Variants in ZNF536 observed in about 807,000 individuals in gnomAD.
ZNF536 encodes zinc finger protein 536.
Under a neutral mutation model 84.5 loss-of-function variants are expected in ZNF536, and 13 were observed. The observed-to-expected ratio is 0.15, with a 90% confidence interval of 0.10 to 0.24. The LOEUF (loss-of-function observed/expected upper bound fraction) is 0.24. Among genes scored for constraint, ZNF536 ranks in the 10% least tolerant of loss-of-function variants. ZNF536 has a pLI of 1.00. For synonymous variants in ZNF536, 811 were observed against 742.5 expected, an observed-to-expected ratio of 1.09 and a Z score of -1.50; for missense variants, 1,536 against 1,747.5, an observed-to-expected ratio of 0.88 and a Z score of 2.16.
intron 2 of ZNF536, among the ~76,000 whole-genome samples, chr19:30,310,676 A>G (rs1338095969): frequency 6.6e-6 from 1 of 152,230 alleles, no homozygotes; most frequent in African/African-American, 2.4e-5. Flanking sequence ...CTGCTCTGGT[A>G]GAATCTCCAT....
intron 3 of ZNF536, among the ~76,000 whole-genome samples, chr19:30,366,582 GTCTA>G (rs72156657): frequency 0.26 from 38,657 of 147,922 alleles, 5,111 homozygotes; most frequent in Middle Eastern, 0.3. Flanking sequence ...TCTATCATTT[GTCTA>G]TCTATCTATC....
In ZNF536 at chr19:30,290,832, C is replaced by G. The variant is rs12165131; in HGVS notation, c.-120+6691C>G. ...TTAGGTATTTGTCCTAATGGTCTCC[C>G]TCCCTTTGCCCCCCACCCACCAACA... On this transcript the variant is annotated intron_variant, in intron 2 of 5. Coordinates refer to the ZNF536 transcript ENST00000585628. Among the ~76,000 whole-genome samples, 4 of 152,154 alleles carry G rather than the reference C, an allele frequency of 2.6e-5. No individual in the cohort carries two copies. In the South Asian group the frequency reaches 8.3e-4, roughly 32 times the overall value.
At chr19:30,368,341 C>T (rs536000600), upstream of ZNF536, among the ~76,000 whole-genome samples, 20 of 152,342 alleles carry the variant, frequency 1.3e-4, no homozygotes, top group South Asian at 1.9e-3. Flanking sequence ...GTGCACACTA[C>T]GGCTGCAAAA....
chr19:30,706,723 A>G (rs1419163246), intron 1 of ZNF536, among the ~76,000 whole-genome samples: 1 of 152,134 alleles, frequency 6.6e-6, no homozygotes, highest in Non-Finnish European at 1.5e-5. Context: ...AAGACTTGTC[A>G]TACGATAGTG....
At chr19:30,512,194 C>A (rs954484418) in intron 2 of ZNF536, among the ~76,000 whole-genome samples, 4 of 152,088 alleles carry the variant, frequency 2.6e-5, no homozygotes, top group African/African-American at 7.2e-5. Context: ...AAATATACTG[C>A]AAAACACAGA....
rs992247017 is a variant in ZNF536, at chr19:30,514,293, T to A, written c.2171-20554T>A. Among the ~76,000 whole-genome samples, 5 of 152,164 alleles carry A rather than the reference T, an allele frequency of 3.3e-5. No homozygotes were observed. The South Asian group carries it at 8.3e-4, about 25-fold the overall frequency. On this transcript the variant is annotated intron_variant, in intron 2 of 4. Transcript: ENST00000355537. ...CAATTTACTCCCACCCTCAAAAAAA[T>A]CAAAAAGTCTGTTTTCACCCTGAGC...
intron 1 of ZNF536, among the ~76,000 whole-genome samples, chr19:30,638,501 C>T (rs2867077): frequency 0.43 from 65,942 of 151,960 alleles, 14,555 homozygotes; most frequent in Middle Eastern, 0.5. Context: ...GGGGGAAGTG[C>T]TATACACTTT....
In ZNF536 at chr19:30,707,834, A is replaced by G. The variant is rs553386629; in HGVS notation, c.170-2923A>G. ...AGACCAGCCTGGCCAACATGGAGAA[A>G]CCCCATCTCTACTAAAAATACAAAA... On this transcript the variant is annotated intron_variant, in intron 1 of 1. Transcript: ENST00000592773. Among the ~76,000 whole-genome samples the G allele has an allele frequency of 2.6e-5, 4 of 151,948 alleles. No individual in the cohort carries two copies. In the South Asian group the frequency reaches 8.3e-4, roughly 32 times the overall value.
chr19:30,434,777 G>T (rs2051633293), intron 1 of ZNF536, among the ~76,000 whole-genome samples: 1 of 152,064 alleles, frequency 6.6e-6, no homozygotes, highest in African/African-American at 2.4e-5. Context: ...TGATGATGGT[G>T]GTGGTGATGA....
chr19:30,453,364 G>C (rs1036519228), intron 2 of ZNF536, among the ~76,000 whole-genome samples: 8 of 152,176 alleles, frequency 5.3e-5, no homozygotes, highest in African/African-American at 1.9e-4. Context: ...GTTCATCCTC[G>C]AGCCAGGTCT....
chr19:30,681,694 G>A (rs1267258481), intron 1 of ZNF536, among the ~76,000 whole-genome samples: 1 of 152,188 alleles, frequency 6.6e-6, no homozygotes, highest in African/African-American at 2.4e-5. Context: ...GCTGCAGACT[G>A]GTTTACCAGG....
At chr19:30,452,607 A>G (rs1301734523) in intron 2 of ZNF536, among the ~76,000 whole-genome samples, 1 of 152,204 alleles carries the variant, frequency 6.6e-6, no homozygotes, top group Non-Finnish European at 1.5e-5. Context: ...AGAACTGTGC[A>G]GGGAGCATTT....
chr19:30,425,668 G>A (rs943501520), intron 1 of ZNF536, among the ~76,000 whole-genome samples: 7 of 152,114 alleles, frequency 4.6e-5, no homozygotes, highest in African/African-American at 1.7e-4. Flanking sequence ...TAGCTCCCTG[G>A]CAAGCCCTAG....
At chr19:30,576,363 G>A (rs928961615) in intron 1 of ZNF536, among the ~76,000 whole-genome samples, 2 of 152,102 alleles carry the variant, frequency 1.3e-5, no homozygotes, top group Non-Finnish European at 2.9e-5. Context: ...TTCCCCCATC[G>A]TTCCTCCATC....
At chr19:30,420,667 T>C (rs2050915161) in intron 1 of ZNF536, among the ~76,000 whole-genome samples, 1 of 152,178 alleles carries the variant, frequency 6.6e-6, no homozygotes, top group Non-Finnish European at 1.5e-5. Flanking sequence ...AAATTCTCTT[T>C]TTTTTTGCCC....
At position 30,617,333 on chromosome 19, in the gene ZNF536, C is replaced by CTTTTTTTTTTTTTTTT. The variant is rs556835599; in HGVS notation, c.169+67837_169+67852dup. On this transcript the variant is annotated intron_variant, in intron 1 of 1. Coordinates refer to the ZNF536 transcript ENST00000592773. Reference sequence around the variant, plus strand: ...GAGTCCACCATATCTGAATAGCTTACTTTTTTTTTTTTTTTTTTTTTTTTT... The same window carrying CTTTTTTTTTTTTTTTT: ...GAGTCCACCATATCTGAATAGCTTACTTTTTTTTTTTTTTTTTTTTTTTTTTTTTTTTTTTTTTTTT... Among the ~76,000 whole-genome samples the CTTTTTTTTTTTTTTTT allele has an allele frequency of 2.8e-3, 104 of 37,706 alleles. 39 individuals carry two copies. The highest frequency in any genetic ancestry group is 4.7e-3 in the Non-Finnish European group (80 of 16,966). The allele number at this position is 37,706 out of a possible 152,430, so 24.7% of individuals were successfully genotyped here.
intron 1 of ZNF536, among the ~76,000 whole-genome samples, chr19:30,599,105 TCCTC>T (rs1319979621): frequency 9.1e-6 from 1 of 109,948 alleles, no homozygotes; most frequent in Non-Finnish European, 1.9e-5. Flanking sequence ...CTCTCTCCTT[TCCTC>T]CCTCCCTCCC....
intron 1 of ZNF536, among the ~76,000 whole-genome samples, chr19:30,251,165 A>G (rs1273950207): frequency 2.0e-5 from 3 of 152,166 alleles, no homozygotes; most frequent in Non-Finnish European, 4.4e-5. Flanking sequence ...CACTCCCTGG[A>G]TGCACTTGAG....
At chr19:30,301,709 C>T (rs969823542) in intron 2 of ZNF536, among the ~76,000 whole-genome samples, 1 of 152,024 alleles carries the variant, frequency 6.6e-6, no homozygotes, top group Non-Finnish European at 1.5e-5. Context: ...AATATGTGAG[C>T]TATTCGTTTC....
Sources: gnomAD v4.1 joint callset for allele counts (sites outside exome capture counted in the v4.1 genomes callset) on GRCh38, gnomAD v4.1.1 for gene constraint, MANE v1.5 for transcripts, NCBI Gene and HGNC (gene_info 2026-07-23, HGNC 2026-07-21) for gene names.